SMTNL2: variants seen among roughly 807,000 people sequenced by gnomAD.
SMTNL2 encodes the protein smoothelin-like protein 2.
A neutral mutation model predicts 44.1 loss-of-function variants in SMTNL2; 43 were observed. The ratio of observed to expected loss-of-function variants is 0.98; its 90% CI spans 0.76 to 1.26. The LOEUF (loss-of-function observed/expected upper bound fraction) is 1.26, where lower values mean the gene tolerates loss of function less well. SMTNL2 is among the 50% of genes most tolerant of loss of function. The pLI is 0.00. For missense variants in SMTNL2, 646 were observed against 670.2 expected (o/e 0.96, Z 0.40); for synonymous variants, 317 against 287.6 (o/e 1.10, Z -1.03).
rs1282041164 is a variant in SMTNL2 at position 4,607,937 on chromosome 17, C to G, written c.*450C>G. 1 of 153,064 alleles carries G rather than the reference C, an allele frequency of 6.5e-6. No individual in the cohort carries two copies. Among genetic ancestry groups the G allele is most frequent in the African/African-American group, 2.4e-5 (1 of 41,484 alleles). 9.5% of individuals were successfully genotyped at this position (153,064 alleles called of 1,614,324 possible). A position where few individuals can be genotyped will look rare whatever the true frequency, so the allele number is the denominator to read the frequency against. ...GATTGTAGGTTCCTCTCCTCCCTCC[C>G]TCTGGGCCACTGCCAGGAAACAGAG... On this transcript the variant is annotated 3_prime_UTR_variant, in exon 8 of 8. Coordinates refer to ENST00000389313, the MANE Select transcript of SMTNL2 (RefSeq NM_001114974.2). The surrounding 1 kb of genome is among the most constrained non-coding windows in gnomAD (Gnocchi z 4.7).
rs1255790131 is a variant in SMTNL2, at chr17:4,598,560, C to A, written c.1259+1237C>A. On this transcript the variant is annotated intron_variant, in intron 7 of 7. Transcript: ENST00000389313. The surrounding 1 kb of genome is among the most constrained non-coding windows in gnomAD (Gnocchi z 4.8). ...GGTCCTTGGCCGGGCACGGTGGCTCCCACCTGTAATCCTAGCACTTTGGGA... is the reference window on the plus strand; with the variant it reads ...GGTCCTTGGCCGGGCACGGTGGCTCACACCTGTAATCCTAGCACTTTGGGA... Among the ~76,000 whole-genome samples, 1 of 152,078 alleles carries A rather than the reference C, an allele frequency of 6.6e-6. No homozygotes were observed. Among genetic ancestry groups the A allele is most frequent in the Admixed American group, 6.5e-5 (1 of 15,274 alleles).
intron 7 of SMTNL2, among the ~76,000 whole-genome samples, chr17:4,601,117 C>T (rs930572474): frequency 1.3e-5 from 2 of 152,174 alleles, no homozygotes; most frequent in East Asian, 3.9e-4. Flanking sequence ...TAAAAATGGT[C>T]GTCGGGATTG....
Position 4,607,469 on chromosome 17 carries a change from C to T in SMTNL2, c.1368C>T (p.His456=). 1 of 1,614,178 alleles carries T rather than the reference C, an allele frequency of 6.2e-7. No homozygotes were observed. The highest frequency in any genetic ancestry group is 8.5e-7 in the Non-Finnish European group (1 of 1,180,012). The change falls in exon 8 of 8, where the codon CAC becomes CAT. Residue 456 remains histidine (H), a synonymous_variant. Transcript: ENST00000389313. This position sits in a 1 kb window ranked among gnomAD's most constrained non-coding sequence, Gnocchi z 4.7. Reference sequence around the variant, plus strand: ...CCTACGTCCAGTCGCTGTACAACCACCTGCGTCGCTTCGAGTAAAGCCCCT... The same window carrying T: ...CCTACGTCCAGTCGCTGTACAACCATCTGCGTCGCTTCGAGTAAAGCCCCT... ...VFTYVQSLYN[H]LRRFE is the part of the protein sequence containing the mutation.
chr17:4,593,458 C>A (rs1567633844), intron 3 of SMTNL2, among the ~76,000 whole-genome samples: 1 of 152,270 alleles, frequency 6.6e-6, no homozygotes, highest in South Asian at 2.1e-4. Flanking sequence ...TCCCTCAAGG[C>A]CCCAGGCCTG....
In SMTNL2 at chr17:4,595,267, C is replaced by T. The variant is rs761922272; in HGVS notation, c.929C>T (p.Ser310Leu). Residue 310 changes from serine to leucine, a missense_variant, in exon 5 of 8, where the codon TCG becomes TTG. Coordinates refer to ENST00000389313, the MANE Select transcript of SMTNL2 (RefSeq NM_001114974.2). This position sits in a 1 kb window ranked among gnomAD's most constrained non-coding sequence, Gnocchi z 5.1. Reference sequence around the variant, plus strand: ...AGGTCGCAGACGCTGCCCCGCACCTCGGAGGCGCAGGCCCGGAAAGCATTG... The same window carrying T: ...AGGTCGCAGACGCTGCCCCGCACCTTGGAGGCGCAGGCCCGGAAAGCATTG... Reference protein sequence around the residue: ...LVRSQTLPRTSEAQARKALFE... With the variant: ...LVRSQTLPRTLEAQARKALFE... 43 of 1,613,092 alleles carry T rather than the reference C, an allele frequency of 2.7e-5. 1 individual carries two copies. The East Asian group carries it at 2.9e-4, about 11-fold the overall frequency.
At position 4,584,719 on chromosome 17, in the gene SMTNL2, G is replaced by A; in HGVS notation, c.114G>A (p.Leu38=). ...CGCTGCACGAGGACATGCGGGGGCT[G>A]CAGCGCGGCGTGGAGCGGCGAGTGG... ...VRALHEDMRG[L]QRGVERRVAE... is the part of the protein sequence containing the mutation. The change falls in exon 1 of 8, where the codon CTG becomes CTA. Residue 38 remains leucine (L), a synonymous_variant. Coordinates refer to ENST00000389313, the MANE Select transcript of SMTNL2 (RefSeq NM_001114974.2). The A allele has an allele frequency of 7.7e-7, 1 of 1,303,776 alleles. No individual in the cohort carries two copies. The highest frequency in any genetic ancestry group is 4.1e-5 in the Admixed American group (1 of 24,472). 80.8% of individuals were successfully genotyped at this position (1,303,776 alleles called of 1,614,324 possible).
intron 7 of SMTNL2, among the ~76,000 whole-genome samples, chr17:4,601,153 G>A (rs147711817): frequency 8.1e-4 from 124 of 152,306 alleles, no homozygotes; most frequent in Middle Eastern, 3.4e-3. Flanking sequence ...TCATGCCTGC[G>A]ATCCAATCCC....
chr17:4,597,779 G>T (rs1177661815), intron 7 of SMTNL2, among the ~76,000 whole-genome samples: 1 of 152,198 alleles, frequency 6.6e-6, no homozygotes, highest in Admixed American at 6.5e-5. Flanking sequence ...CTTCCAATAA[G>T]ATTTTCCTTC....
At position 4,607,252 on chromosome 17, in the gene SMTNL2, C is replaced by T; in HGVS notation, c.1260-109C>T. 1 of 1,548,276 alleles carries T rather than the reference C, an allele frequency of 6.5e-7. No individual in the cohort carries two copies. The highest frequency in any genetic ancestry group is 8.7e-7 in the Non-Finnish European group (1 of 1,143,692). On this transcript the variant is annotated intron_variant, in intron 7 of 7. Coordinates refer to ENST00000389313, the MANE Select transcript of SMTNL2 (RefSeq NM_001114974.2). The surrounding 1 kb of genome is among the most constrained non-coding windows in gnomAD (Gnocchi z 4.7). ...CCCGCTGGTGGGTCCTTGGGAACCT[C>T]TGGCTGCCGGCTGAGCTCTGTTCCC...
At chr17:4,586,271 G>A (rs974552374) in intron 1 of SMTNL2, among the ~76,000 whole-genome samples, 12 of 152,170 alleles carry the variant, frequency 7.9e-5, no homozygotes, top group South Asian at 2.1e-4. Flanking sequence ...CCAGTGCTCC[G>A]TGTGAAATGT....
Position 4,593,044 on chromosome 17 carries a change from C to G in SMTNL2, c.603C>G (p.Thr201=). 1 of 1,614,102 alleles carries G rather than the reference C, an allele frequency of 6.2e-7. No individual in the cohort carries two copies. The highest frequency in any genetic ancestry group is 1.3e-5 in the African/African-American group (1 of 75,068). Residue 201 remains threonine, a synonymous_variant, in exon 3 of 8, where the codon ACC becomes ACG. Transcript: ENST00000389313. The stretch of plus-strand genomic sequence containing the variant: ...CCCACCAGCCAGTCACGGCCATCAC[C>G]CGAGTCTCTGACAGGTTCTCTGGGG... ...RLPHQPVTAI[T]RVSDRFSGET...
At chr17:4,594,008 C>T (rs771709332) in intron 4 of SMTNL2, 111 bp downstream of exon 4, 26 of 1,137,610 alleles carry the variant, frequency 2.3e-5, no homozygotes, top group Middle Eastern at 2.5e-4. Flanking sequence ...TGGTAAGGCT[C>T]GGGGCTGGAT....
At chr17:4,603,992 A>T (rs530593409) in intron 7 of SMTNL2, among the ~76,000 whole-genome samples, 1 of 151,998 alleles carries the variant, frequency 6.6e-6, no homozygotes, top group Non-Finnish European at 1.5e-5. Context: ...CTGCAGGCAT[A>T]CGCCACCACA....
chr17:4,594,674 C>T (rs55670980), intron 4 of SMTNL2, among the ~76,000 whole-genome samples: 5,984 of 150,962 alleles, frequency 0.04, 180 homozygotes, highest in Non-Finnish European at 0.064. Flanking sequence ...GCCAGCGGGA[C>T]TGTGATTGGG....
At chr17:4,590,481 T>G (rs1341056578) in intron 1 of SMTNL2, among the ~76,000 whole-genome samples, 7 of 152,120 alleles carry the variant, frequency 4.6e-5, no homozygotes, top group African/African-American at 1.7e-4. Flanking sequence ...TTTTTCCATG[T>G]TCGTCCTTCT....
At position 4,588,312 on chromosome 17, in the gene SMTNL2, C is replaced by T. The variant is rs148476295; in HGVS notation, c.399+3308C>T. Among the ~76,000 whole-genome samples, 1,212 of 152,348 alleles carry T rather than the reference C, an allele frequency of 8.0e-3. 7 individuals are homozygous for T. The highest frequency in any genetic ancestry group is 0.013 in the Non-Finnish European group (891 of 68,038). On this transcript the variant is annotated intron_variant, in intron 1 of 7. Transcript: ENST00000389313. The stretch of plus-strand genomic sequence containing the variant: ...CTAAAAGCTTTTCCAATAAGAAGGT[C>T]CCTGAAATCAGACTTACCTCATCAC...
intron 1 of SMTNL2, among the ~76,000 whole-genome samples, chr17:4,590,256 C>T (rs573321604): frequency 1.1e-3 from 160 of 152,124 alleles, no homozygotes; most frequent in Admixed American, 3.6e-3. Context: ...CGTGAGCCAC[C>T]GCGCCTGGCC....
At chr17:4,594,039 G>C in intron 4 of SMTNL2, 142 bp downstream of exon 4, 1 of 780,762 alleles carries the variant, frequency 1.3e-6, no homozygotes, top group African/African-American at 1.7e-5. Context: ...CTGGGCGGCA[G>C]GATGGGGGGA....
In SMTNL2 at chr17:4,595,360, C is replaced by G. The variant is rs779510443; in HGVS notation, c.989+33C>G. 1 of 1,602,148 alleles carries G rather than the reference C, an allele frequency of 6.2e-7. No individual in the cohort carries two copies. The highest frequency in any genetic ancestry group is 1.1e-5 in the South Asian group (1 of 89,508). ...TGCCCACTCACAGACAGGCCCGGCCCCACGGTGTGCCCAGACCCAGACGGG... is the reference window on the plus strand; with the variant it reads ...TGCCCACTCACAGACAGGCCCGGCCGCACGGTGTGCCCAGACCCAGACGGG... On this transcript the variant is annotated intron_variant, in intron 5 of 7. Coordinates refer to ENST00000389313, the MANE Select transcript of SMTNL2 (RefSeq NM_001114974.2). This position sits in a 1 kb window ranked among gnomAD's most constrained non-coding sequence, Gnocchi z 5.1.
Sources: gnomAD v4.1 joint callset for allele counts (sites outside exome capture counted in the v4.1 genomes callset) on GRCh38, gnomAD v4.1.1 for gene constraint, Gnocchi (gnomAD v3.1) non-coding constraint, MANE v1.5 for transcripts, NCBI Gene and HGNC (gene_info 2026-07-23, HGNC 2026-07-21) for gene names.